CMSS1: variants seen among roughly 807,000 people sequenced by gnomAD.
The protein encoded by CMSS1 is cms1 ribosomal small subunit homolog.
CMSS1 carries 33 observed loss-of-function variants against 43.5 expected under a neutral mutation model. That is an observed-to-expected ratio of 0.76 (90% CI 0.57 to 1.01). The LOEUF is 1.01. CMSS1 is among the 50% of genes least tolerant of loss of function. The pLI is 0.00. For synonymous variants in CMSS1, 115 were observed against 117.2 expected, an observed-to-expected ratio of 0.98 and a Z score of 0.12; for missense variants, 313 against 326.4, an observed-to-expected ratio of 0.96 and a Z score of 0.32.
intron 2 of CMSS1, among the ~76,000 whole-genome samples, chr3:100,157,780 T>C (rs2066988729): frequency 6.6e-6 from 1 of 152,174 alleles, no homozygotes; most frequent in South Asian, 2.1e-4. Context: ...GAAGCAGTAA[T>C]GGGATAGTTG....
chr3:99,839,122 C>T (rs949203676), intron 1 of CMSS1, among the ~76,000 whole-genome samples: 6 of 152,116 alleles, frequency 3.9e-5, no homozygotes, highest in African/African-American at 1.4e-4. Context: ...CATCCTGTAT[C>T]CCCTGCTCAA....
chr3:99,979,514 T>G (rs1162228317), intron 1 of CMSS1, among the ~76,000 whole-genome samples: 1 of 152,192 alleles, frequency 6.6e-6, no homozygotes, highest in Non-Finnish European at 1.5e-5. Flanking sequence ...TAGAAATGGT[T>G]TATTTTTCTT....
rs181373263 is a variant in CMSS1 at position 99,947,067 on chromosome 3, G to A, written c.64+129024G>A. 2.5e-3 allele frequency among the ~76,000 whole-genome samples: 367 copies of A among 147,052 alleles called. 9 individuals are homozygous for A. The highest frequency in any genetic ancestry group is 8.8e-4 in the Non-Finnish European group (59 of 67,378). ...CAGGGAGAATCACTTGCAGCTGGGA[G>A]GTAGAGGTTGCAATGAGCTGAGATT... On this transcript the variant is annotated intron_variant, in intron 1 of 9. Transcript: ENST00000421999.
chr3:100,015,021 T>G (rs1488669690), intron 1 of CMSS1, among the ~76,000 whole-genome samples: 2 of 151,452 alleles, frequency 1.3e-5, no homozygotes, highest in Non-Finnish European at 2.9e-5. Context: ...GTTTTATAAT[T>G]TCAGGTTTTA....
intron 1 of CMSS1, among the ~76,000 whole-genome samples, chr3:100,136,425 G>C (rs550191126): frequency 6.6e-6 from 1 of 152,166 alleles, no homozygotes; most frequent in African/African-American, 2.4e-5. Flanking sequence ...GCTGAGGGCC[G>C]AACTTGCCTG....
intron 1 of CMSS1, among the ~76,000 whole-genome samples, chr3:100,028,508 G>A (rs897799799): frequency 7.9e-5 from 12 of 152,032 alleles, no homozygotes; most frequent in East Asian, 1.9e-4. Flanking sequence ...TTTAATTCAC[G>A]TTGGAGAATA....
chr3:100,135,236 CT>C (rs1418862272), intron 1 of CMSS1, among the ~76,000 whole-genome samples: 1 of 152,088 alleles, frequency 6.6e-6, no homozygotes, highest in Non-Finnish European at 1.5e-5. Context: ...GTTCATTTAA[CT>C]GTAAAAGTTG....
rs933699449 is a variant in CMSS1 at position 100,052,101 on chromosome 3, A to G, written c.65-94872A>G. Among the ~76,000 whole-genome samples, 6 of 152,140 alleles carry G rather than the reference A, an allele frequency of 3.9e-5. No individual in the cohort carries two copies. The East Asian group carries it at 5.8e-4, about 15-fold the overall frequency. On this transcript the variant is annotated intron_variant, in intron 1 of 9. Transcript: ENST00000421999. ...TTGTCACATGTTATTTAGGCTACTAATGGGCATAATTTGTGATCTGAGAGT... is the reference window on the plus strand; with the variant it reads ...TTGTCACATGTTATTTAGGCTACTAGTGGGCATAATTTGTGATCTGAGAGT...
Position 100,024,170 on chromosome 3 carries a change from A to C in CMSS1, c.65-122803A>C, listed in dbSNP as rs549917602. The stretch of plus-strand genomic sequence containing the variant: ...TGGTCGCCTATTTCATCTGGTTGTA[A>C]ATAACAGCCATGGGGCCTCTGTAAT... On this transcript the variant is annotated intron_variant, in intron 1 of 9. Coordinates refer to ENST00000421999, the MANE Select transcript of CMSS1 (RefSeq NM_032359.4). Among the ~76,000 whole-genome samples the C allele has an allele frequency of 3.9e-5, 6 of 152,210 alleles. No homozygotes were observed. In the South Asian group the frequency reaches 8.3e-4, roughly 21 times the overall value.
intron 1 of CMSS1, among the ~76,000 whole-genome samples, chr3:99,988,138 CA>C (rs1709400606): frequency 6.6e-6 from 1 of 151,824 alleles, no homozygotes; most frequent in Non-Finnish European, 1.5e-5. Flanking sequence ...TATAAGTGAA[CA>C]AAAGCTAAAA....
At chr3:100,090,273 G>C (rs193176968) in intron 1 of CMSS1, among the ~76,000 whole-genome samples, 1 of 152,096 alleles carries the variant, frequency 6.6e-6, no homozygotes, top group South Asian at 2.1e-4. Flanking sequence ...TAACTGTCCC[G>C]ATCTTCTGAG....
At chr3:100,146,342 A>C (rs1480405555) in intron 1 of CMSS1, among the ~76,000 whole-genome samples, 1 of 152,130 alleles carries the variant, frequency 6.6e-6, no homozygotes, top group African/African-American at 2.4e-5. Context: ...CTTTGTCACA[A>C]TCTCTCAACA....
chr3:100,104,624 A>G (rs1197358162), intron 1 of CMSS1, among the ~76,000 whole-genome samples: 1 of 152,216 alleles, frequency 6.6e-6, no homozygotes, highest in African/African-American at 2.4e-5. Flanking sequence ...TTGCATGCCC[A>G]GGAATCTAAA....
intron 1 of CMSS1, among the ~76,000 whole-genome samples, chr3:100,014,883 T>TTTTTC (rs1710280829): frequency 2.4e-5 from 3 of 125,386 alleles, no homozygotes; most frequent in Non-Finnish European, 5.2e-5. Context: ...TCTTTTTTTT[T>TTTTTC]TTTCTTTCTT....
At chr3:100,129,146 C>T (rs1280158141) in intron 1 of CMSS1, among the ~76,000 whole-genome samples, 1 of 152,206 alleles carries the variant, frequency 6.6e-6, no homozygotes, top group Non-Finnish European at 1.5e-5. Context: ...TATCACATTG[C>T]ATTTTAATTG....
At position 100,180,313 on chromosome 3, in the gene CMSS1, GCTTTT is replaced by G. The variant is rs1420552062; in HGVS notation, c.*1933_*1937del. 1.3e-5 allele frequency: 2 copies of G among 152,206 alleles called. No individual in the cohort carries two copies. Among genetic ancestry groups the G allele is most frequent in the African/African-American group, 2.4e-5 (1 of 41,438 alleles). The allele number at this position is 152,206 out of a possible 1,614,324, so 9.4% of individuals were successfully genotyped here. A position where few individuals can be genotyped will look rare whatever the true frequency, so the allele number is the denominator to read the frequency against. Reference sequence around the variant, plus strand: ...AGCTTGAATTTCTCCCCAGAAAATGGCTTTTCTTTTCTACCACATGGTCAGGCTGC... The same window carrying G: ...AGCTTGAATTTCTCCCCAGAAAATGGCTTTTCTACCACATGGTCAGGCTGC... On this transcript the variant is annotated 3_prime_UTR_variant, in exon 10 of 10. Transcript: ENST00000421999.
At chr3:99,971,086 C>T (rs1322336118) in intron 1 of CMSS1, among the ~76,000 whole-genome samples, 2 of 152,114 alleles carry the variant, frequency 1.3e-5, no homozygotes, top group African/African-American at 2.4e-5. Context: ...GCCTGTAATC[C>T]CAGCACTTTG....
chr3:100,159,240 A>T (rs1162577815), intron 2 of CMSS1, among the ~76,000 whole-genome samples: 2 of 152,238 alleles, frequency 1.3e-5, no homozygotes, highest in African/African-American at 2.4e-5. Context: ...GTTTTATCTT[A>T]GAGGAAACTA....
At chr3:100,099,877 T>C (rs1015606413) in intron 1 of CMSS1, among the ~76,000 whole-genome samples, 2 of 152,144 alleles carry the variant, frequency 1.3e-5, no homozygotes, top group Non-Finnish European at 2.9e-5. Flanking sequence ...GTTATGGAAC[T>C]GAGTTGCTGA....
Sources: gnomAD v4.1 joint callset for allele counts (sites outside exome capture counted in the v4.1 genomes callset) on GRCh38, gnomAD v4.1.1 for gene constraint, MANE v1.5 for transcripts, NCBI Gene and HGNC (gene_info 2026-07-23, HGNC 2026-07-21) for gene names.